BCL7A: variants seen among roughly 807,000 people sequenced by gnomAD.
BCL7A encodes BAF chromatin remodeling complex subunit BCL7A, also known as B-cell CLL/lymphoma 7 protein family member A.
Under a neutral mutation model 28.4 loss-of-function variants are expected in BCL7A, and 11 were observed. That is an observed-to-expected ratio of 0.39 (90% CI 0.24 to 0.64). The LOEUF (loss-of-function observed/expected upper bound fraction) is 0.64, where lower values mean the gene tolerates loss of function less well. Among genes scored for constraint, BCL7A ranks in the 30% least tolerant of loss-of-function variants. The pLI, the probability that BCL7A is intolerant of heterozygous loss-of-function variation, is 0.50. For missense variants in BCL7A, 222 were observed against 274.8 expected, an observed-to-expected ratio of 0.81 and a Z score of 1.36; for synonymous variants, 123 against 103.3, an observed-to-expected ratio of 1.19 and a Z score of -1.15.
chr12:122,039,079 G>A (rs921683996), intron 3 of BCL7A, among the ~76,000 whole-genome samples: 2 of 152,002 alleles, frequency 1.3e-5, no homozygotes, highest in South Asian at 2.1e-4. Flanking sequence ...GGCAGATCAT[G>A]AGGTTGGGAG....
At chr12:122,045,141 G>A (rs1411616476) in intron 4 of BCL7A, among the ~76,000 whole-genome samples, 1 of 152,118 alleles carries the variant, frequency 6.6e-6, no homozygotes, top group Non-Finnish European at 1.5e-5. Context: ...AGCACTTTGG[G>A]AGGCCGAGGC....
Position 122,030,778 on chromosome 12 carries a change from T to C in BCL7A, c.171T>C (p.Asp57=), listed in dbSNP as rs772045872. 2 of 1,613,880 alleles carry C rather than the reference T, an allele frequency of 1.2e-6. No individual in the cohort carries two copies. Among genetic ancestry groups the C allele is most frequent in the Non-Finnish European group, 1.7e-6 (2 of 1,179,774 alleles). The change falls in exon 2 of 6, where the codon GAT becomes GAC. Residue 57 remains aspartate (D), a synonymous_variant. Transcript: ENST00000261822. ...KWVPVTEPKV[D]DKNKNKKKGK... is the part of the protein sequence containing the mutation. ...TCCCTGTGACGGAGCCCAAGGTTGA[T>C]GACGTGAGTATGGAGGGCTGGTCCC...
At chr12:122,038,333 G>A (rs1447594742) in intron 3 of BCL7A, among the ~76,000 whole-genome samples, 1 of 148,852 alleles carries the variant, frequency 6.7e-6, no homozygotes, top group Non-Finnish European at 1.5e-5. Context: ...TCAGGAGGCT[G>A]AGGCAAGAAA....
chr12:122,058,387 G>T (rs1951893464), intron 5 of BCL7A, among the ~76,000 whole-genome samples: 1 of 152,090 alleles, frequency 6.6e-6, no homozygotes, highest in Non-Finnish European at 1.5e-5. Flanking sequence ...AGCCAGGCAT[G>T]GTGGTGTGCA....
intron 1 of BCL7A, 30 bp downstream of exon 1, chr12:122,022,213 TCCCCGGCCGCCC>T (rs1280110315): frequency 7.2e-7 from 1 of 1,395,020 alleles, no homozygotes; most frequent in South Asian, 1.3e-5. Flanking sequence ...GCCAGCCGCC[TCCCCGGCCGCCC>T]CGAGCCCGAG....
intron 2 of BCL7A, among the ~76,000 whole-genome samples, chr12:122,034,478 G>A (rs1265404663): frequency 1.3e-5 from 2 of 148,848 alleles, no homozygotes; most frequent in Non-Finnish European, 3.0e-5. Context: ...GCTCACACCT[G>A]TAATCCCAGG....
intron 1 of BCL7A, 64 bp from the exon 2 acceptor site, chr12:122,030,636 G>T: frequency 2.1e-6 from 3 of 1,448,996 alleles, no homozygotes; most frequent in Non-Finnish European, 2.9e-6. Flanking sequence ...CCCCAAGGGA[G>T]TGTGGCCTGT....
At chr12:122,050,303 G>A (rs999700384) in intron 4 of BCL7A, among the ~76,000 whole-genome samples, 1 of 124,402 alleles carries the variant, frequency 8.0e-6, no homozygotes, top group Non-Finnish European at 1.9e-5. Flanking sequence ...TATTGTGGGG[G>A]GGGGGCCATC....
intron 5 of BCL7A, 38 bp downstream of exon 5, chr12:122,054,964 G>T (rs775276584): frequency 2.5e-6 from 4 of 1,614,096 alleles, no homozygotes; most frequent in African/African-American, 1.3e-5. Flanking sequence ...AGCCAGATCG[G>T]CCGGGAGCCC....
At chr12:122,030,448 T>C (rs1368511471) in intron 1 of BCL7A, among the ~76,000 whole-genome samples, 1 of 152,222 alleles carries the variant, frequency 6.6e-6, no homozygotes, top group Non-Finnish European at 1.5e-5. Context: ...GTCCTTGTAA[T>C]GGCAGCCCCA....
At chr12:122,044,948 T>C (rs2135853106) in intron 4 of BCL7A, among the ~76,000 whole-genome samples, 1 of 152,192 alleles carries the variant, frequency 6.6e-6, no homozygotes, top group Non-Finnish European at 1.5e-5. Context: ...CTGAATGACC[T>C]GGAGAGTTGC....
At chr12:122,025,937 A>G (rs1252960917) in intron 1 of BCL7A, among the ~76,000 whole-genome samples, 1 of 124,808 alleles carries the variant, frequency 8.0e-6, no homozygotes, top group African/African-American at 3.0e-5. Context: ...ACAGAGCAAG[A>G]CTCCATCTCA....
rs892028756 is a variant in BCL7A, at chr12:122,021,953, T to A, written c.-139T>A. The A allele has an allele frequency of 3.5e-5, 21 of 596,244 alleles. No homozygotes were observed. The highest frequency in any genetic ancestry group is 4.2e-5 in the Non-Finnish European group (14 of 334,302). The allele number at this position is 596,244 out of a possible 1,614,324, so 36.9% of individuals were successfully genotyped here. ...GTATGTGTGTGTGTGTGTGTGTGTGTGTGTGAGTGTGTGCGTGTGAGAGTG... is the reference window on the plus strand; with the variant it reads ...GTATGTGTGTGTGTGTGTGTGTGTGAGTGTGAGTGTGTGCGTGTGAGAGTG... On this transcript the variant is annotated 5_prime_UTR_variant, in exon 1 of 6. An upstream open reading frame in the 5' UTR gains an earlier in-frame stop. Coordinates refer to ENST00000261822, the MANE Select transcript of BCL7A (RefSeq NM_001024808.3).
At chr12:122,023,709 G>C (rs1883534661) in intron 1 of BCL7A, among the ~76,000 whole-genome samples, 1 of 152,268 alleles carries the variant, frequency 6.6e-6, no homozygotes, top group South Asian at 2.1e-4. Context: ...CAGGGTGCCC[G>C]GTGCCCGACT....
chr12:122,040,852 G>A (rs993085368), intron 3 of BCL7A, among the ~76,000 whole-genome samples: 1 of 152,074 alleles, frequency 6.6e-6, no homozygotes. Context: ...AAGTATCAGG[G>A]TCACGCTGTT....
At chr12:122,045,402 T>C (rs116306569) in intron 4 of BCL7A, among the ~76,000 whole-genome samples, 3,298 of 151,920 alleles carry the variant, frequency 0.022, 136 homozygotes, top group African/African-American at 0.076. Context: ...AAAAAGTTAA[T>C]AATAATACGG....
Position 122,053,285 on chromosome 12 carries a change from C to T in BCL7A, c.440-1520C>T, listed in dbSNP as rs532934713. ...TGGTGGGATTATAGGCGTGAGCCGC[C>T]GCGCCCGGCCAGGGCTCCTAGTCTG... On this transcript the variant is annotated intron_variant, in intron 4 of 5. Coordinates refer to ENST00000261822, the MANE Select transcript of BCL7A (RefSeq NM_001024808.3). Among the ~76,000 whole-genome samples, 15 of 152,328 alleles carry T rather than the reference C, an allele frequency of 9.8e-5. No homozygotes were observed. The South Asian group carries it at 2.7e-3, about 27-fold the overall frequency.
intron 1 of BCL7A, among the ~76,000 whole-genome samples, chr12:122,024,095 T>C (rs1883551754): frequency 1.3e-5 from 2 of 152,100 alleles, no homozygotes; most frequent in African/African-American, 2.4e-5. Context: ...GCGGCCGGCC[T>C]GGAGGCCTTC....
intron 3 of BCL7A, among the ~76,000 whole-genome samples, chr12:122,041,358 T>C (rs1250556143): frequency 6.6e-6 from 1 of 152,088 alleles, no homozygotes; most frequent in Non-Finnish European, 1.5e-5. Context: ...TCTGTTGGGG[T>C]GTCTCTGTCT....
Sources: gnomAD v4.1 joint callset for allele counts (sites outside exome capture counted in the v4.1 genomes callset) on GRCh38, gnomAD v4.1.1 for gene constraint, MANE v1.5 for transcripts, NCBI Gene and HGNC (gene_info 2026-07-23, HGNC 2026-07-21) for gene names.